The following DNAH1 variants were observed in gnomAD, a reference collection of about 807,000 sequenced individuals.
DNAH1 encodes the protein axonemal beta dynein heavy chain 1.
A neutral mutation model predicts 484.3 loss-of-function variants in DNAH1; 327 were observed. The ratio of observed to expected loss-of-function variants is 0.68; its 90% CI spans 0.62 to 0.74. The LOEUF (loss-of-function observed/expected upper bound fraction) is 0.74. Ranked by LOEUF, DNAH1 falls within the 30% of genes least tolerant of loss-of-function variation. The probability of loss-of-function intolerance (pLI) is 0.00; values close to 1 mark genes in which losing one functional copy is unlikely to be tolerated. For missense variants in DNAH1, 5,052 were observed against 5,546.8 expected, an observed-to-expected ratio of 0.91 and a Z score of 2.83; for synonymous variants, 2,192 against 2,191.9, an observed-to-expected ratio of 1.00 and a Z score of 0.00.
At chr3:52,394,368 G>A in intron 66 of DNAH1, 97 bp from the exon 67 acceptor site, 1 of 1,189,320 alleles carries the variant, frequency 8.4e-7, no homozygotes, top group Admixed American at 2.1e-5. Context: ...AGTTTCTCCA[G>A]GTGAGGGTGG....
In DNAH1 at chr3:52,397,035, C is replaced by A; in HGVS notation, c.11778C>A (p.Tyr3926Ter). 1 of 1,604,188 alleles carries A rather than the reference C, an allele frequency of 6.2e-7. No individual in the cohort carries two copies. Reference protein sequence around the residue: ...SGIYHQIPPTYDLHGYLSYIK... With the variant: ...SGIYHQIPPT ...TCTACCACCAGATCCCGCCTACCTACGACCTCCACGTGAGTCCAGCCCAAA... is the reference window on the plus strand; with the variant it reads ...TCTACCACCAGATCCCGCCTACCTAAGACCTCCACGTGAGTCCAGCCCAAA... The change falls in exon 73 of 78, where the codon TAC becomes TAA. Residue 3926 changes from tyrosine to a stop codon, truncating the protein, a stop_gained. Transcript: ENST00000420323. LOFTEE classifies it high-confidence loss of function.
rs761794737 is a variant in DNAH1, at chr3:52,386,783, A to G, written c.8933A>G (p.Tyr2978Cys). The G allele has an allele frequency of 2.1e-4, 342 of 1,591,096 alleles. No individual in the cohort carries two copies. Among genetic ancestry groups the G allele is most frequent in the Non-Finnish European group, 2.9e-4 (336 of 1,169,178 alleles). Residue 2978 changes from tyrosine to cysteine, a missense_variant, in exon 56 of 78, where the codon TAC (tyrosine) becomes TGC (cysteine). Coordinates refer to ENST00000420323, the MANE Select transcript of DNAH1 (RefSeq NM_015512.5). ...GEKPGTKVDD[Y>C]WEPGKGLLQD... The stretch of plus-strand genomic sequence containing the variant: ...AAGCCAGGCACCAAGGTGGATGACT[A>G]CTGGGAGCCTGGCAAGGGGCTGCTG...
In DNAH1 at chr3:52,321,363, G is replaced by A. The variant is rs533029570; in HGVS notation, c.-34-1046G>A. 3.9e-5 allele frequency among the ~76,000 whole-genome samples: 6 copies of A among 152,072 alleles called. No homozygotes were observed. The South Asian group carries it at 6.2e-4, about 16-fold the overall frequency. On this transcript the variant is annotated intron_variant, in intron 1 of 77. Coordinates refer to ENST00000420323, the MANE Select transcript of DNAH1 (RefSeq NM_015512.5). ...ACTCCTGACCTCAGGTGATCCACCC[G>A]CCTCGGCCTCCCAAAGTGCTGGGAT...
chr3:52,323,724 G>A (rs1249135802), intron 2 of DNAH1, 84 bp from the exon 3 acceptor site: 14 of 1,089,314 alleles, frequency 1.3e-5, no homozygotes, highest in Non-Finnish European at 1.9e-5. Context: ...TCTCAAGGGA[G>A]GCGCCTGGGC....
intron 10 of DNAH1, 79 bp downstream of exon 10, chr3:52,345,785 G>A (rs539535305): frequency 2.7e-5 from 38 of 1,422,042 alleles, no homozygotes; most frequent in South Asian, 1.3e-4. Flanking sequence ...GGGCTGCAGC[G>A]GAAGGCCAGG....
Position 52,332,159 on chromosome 3 carries a change from G to T in DNAH1, c.1051G>T (p.Val351Phe). 1 of 1,566,322 alleles carries T rather than the reference G, an allele frequency of 6.4e-7. No homozygotes were observed. Among genetic ancestry groups the T allele is most frequent in the Non-Finnish European group, 8.7e-7 (1 of 1,154,810 alleles). Reference sequence around the variant, plus strand: ...GCCCCCAGGAAGGCCACCCCTTCAGGTCTGTCAGTACTGGGTGCCACGGAT... The same window carrying T: ...GCCCCCAGGAAGGCCACCCCTTCAGTTCTGTCAGTACTGGGTGCCACGGAT... Reference protein sequence around the residue: ...VTTEGRPPLQVCQYWVPRIQL... With the variant: ...VTTEGRPPLQFCQYWVPRIQL... The change falls in exon 8 of 78, where the codon GTC becomes TTC. Residue 351 changes from valine to phenylalanine, a missense_variant. Transcript: ENST00000420323.
At chr3:52,387,245 C>T (rs1228669784) in intron 56 of DNAH1, among the ~76,000 whole-genome samples, 1 of 152,214 alleles carries the variant, frequency 6.6e-6, no homozygotes, top group Admixed American at 6.5e-5. Context: ...AGACCTTCAC[C>T]ATCTGCCCAG....
chr3:52,337,376 T>C (rs969225067), intron 8 of DNAH1, among the ~76,000 whole-genome samples: 2 of 152,244 alleles, frequency 1.3e-5, no homozygotes, highest in Non-Finnish European at 2.9e-5. Context: ...GATATCAGCG[T>C]AGCAACCTGA....
chr3:52,366,700 G>A (rs1212877602), intron 35 of DNAH1, 33 bp from the exon 36 acceptor site: 5 of 1,590,224 alleles, frequency 3.1e-6, no homozygotes, highest in Non-Finnish European at 4.3e-6. Context: ...CCTGCTCTCT[G>A]GGAGCCTCAC....
intron 44 of DNAH1, chr3:52,374,592 C>T (rs1578167651): frequency 8.0e-6 from 12 of 1,500,518 alleles, no homozygotes; most frequent in South Asian, 4.5e-5. Flanking sequence ...GGTGGCAGAG[C>T]GAGCTCTCTA....
At chr3:52,376,086 G>A (rs1403164698) in intron 46 of DNAH1, 93 bp downstream of exon 46, 12 of 1,504,304 alleles carry the variant, frequency 8.0e-6, no homozygotes, top group African/African-American at 1.4e-5. Context: ...AGGCGCCGTG[G>A]TGAACCATCC....
chr3:52,350,202 T>G, intron 15 of DNAH1, 94 bp downstream of exon 15: 3 of 1,528,658 alleles, frequency 2.0e-6, no homozygotes, highest in Non-Finnish European at 2.7e-6. Flanking sequence ...GAGGTCGGAC[T>G]CAGGAGGCTG....
intron 3 of DNAH1, among the ~76,000 whole-genome samples, chr3:52,325,134 C>T (rs1269050554): frequency 6.6e-6 from 1 of 152,164 alleles, no homozygotes; most frequent in Non-Finnish European, 1.5e-5. Context: ...GAGGGAGGTC[C>T]CTTGACTACT....
rs199920193 is a variant in DNAH1 at position 52,375,353 on chromosome 3, G to A, written c.7099G>A (p.Ala2367Thr). 2.4e-5 allele frequency: 38 copies of A among 1,613,648 alleles called. No individual in the cohort carries two copies. The Admixed American group carries it at 3.3e-4, about 14-fold the overall frequency. Residue 2367 changes from alanine (A) to threonine (T), a missense_variant, in exon 45 of 78, where the codon GCT becomes ACT. Around this residue, in one of 4 missense-constraint regions of DNAH1, gnomAD observed 2,929 missense variants for 3,409.4 expected, o/e 0.86. Coordinates refer to ENST00000420323, the MANE Select transcript of DNAH1 (RefSeq NM_015512.5). ...GCGTCACTTCAACTACCTGTCTTTC[G>A]CTGAGATGGACGAGGTCAGCAAGAA... ...LMRHFNYLSF[A>T]EMDEVSKKRI...
Position 52,366,948 on chromosome 3 carries a change from C to T in DNAH1, c.5765+61C>T. On this transcript the variant is annotated intron_variant, in intron 36 of 77. Transcript: ENST00000420323. Reference sequence around the variant, plus strand: ...CTCCCAGACCTCTGGAGGCTGTGGGCTGCGGTCACCCCTCCCTCCATTAGC... The same window carrying T: ...CTCCCAGACCTCTGGAGGCTGTGGGTTGCGGTCACCCCTCCCTCCATTAGC... The T allele has an allele frequency of 1.9e-6, 3 of 1,548,312 alleles. No homozygotes were observed. In the South Asian group the frequency reaches 3.6e-5, roughly 19 times the overall value.
At position 52,322,485 on chromosome 3, in the gene DNAH1, C is replaced by T; in HGVS notation, c.43C>T (p.Pro15Ser). 6.2e-7 allele frequency: 1 copy of T among 1,613,352 alleles called. No homozygotes were observed. The highest frequency in any genetic ancestry group is 8.5e-7 in the Non-Finnish European group (1 of 1,179,626). Residue 15 changes from proline (P) to serine (S), a missense_variant, in exon 2 of 78, where the codon CCT (proline) becomes TCT (serine). By Grantham distance (74) the Pro-to-Ser change is moderately conservative. This residue lies in a region of DNAH1 where 1,263 missense variants were observed against 1,218.8 expected (regional missense o/e 1.04). Transcript: ENST00000420323. ...TAAAGGCTATAGCCTGGGAAGGACCCCTCAGGGCCCAGAGTGCAGCAGTGC... is the reference window on the plus strand; with the variant it reads ...TAAAGGCTATAGCCTGGGAAGGACCTCTCAGGGCCCAGAGTGCAGCAGTGC... ...NSKGYSLGRT[P>S]QGPECSSAPA...
upstream of DNAH1, among the ~76,000 whole-genome samples, chr3:52,316,140 C>G (rs1459922085): frequency 6.6e-6 from 1 of 152,222 alleles, no homozygotes; most frequent in African/African-American, 2.4e-5. Flanking sequence ...GTCACCAGCC[C>G]ACTGTGTTGC....
In DNAH1 at chr3:52,320,191, G is replaced by C. The variant is rs553138625; in HGVS notation, c.-34-2218G>C. Among the ~76,000 whole-genome samples, 6 of 152,372 alleles carry C rather than the reference G, an allele frequency of 3.9e-5. No homozygotes were observed. The East Asian group carries it at 9.6e-4, about 24-fold the overall frequency. On this transcript the variant is annotated intron_variant, in intron 1 of 77. Transcript: ENST00000420323. ...TTGTTCAAAGATGAAACAGTCATCT[G>C]TGGGTTTGCAGCATGATGAAGCTGA... is the stretch of plus-strand genomic sequence containing the variant.
chr3:52,347,691 G>C lies in DNAH1; in HGVS notation c.1956-133G>C, dbSNP rs551988772. 15 of 1,110,204 alleles carry C rather than the reference G, an allele frequency of 1.4e-5. No homozygotes were observed. The African/African-American group carries it at 2.4e-4, about 18-fold the overall frequency. 68.8% of individuals were successfully genotyped at this position (1,110,204 alleles called of 1,614,324 possible). ...CCTCTCTGGTAACTTGGAGGTGTGT[G>C]GGACGAAGGAGAAGGCAAGTATTGT... is the stretch of plus-strand genomic sequence containing the variant. On this transcript the variant is annotated intron_variant, in intron 11 of 77. Coordinates refer to ENST00000420323, the MANE Select transcript of DNAH1 (RefSeq NM_015512.5).
Sources: allele counts gnomAD v4.1 joint callset (sites outside exome capture counted in the v4.1 genomes callset), GRCh38; gene constraint gnomAD v4.1.1; regional missense constraint gnomAD v4.1.1; transcripts MANE v1.5; gene names NCBI Gene and HGNC (gene_info 2026-07-23, HGNC 2026-07-21).